ARHGAP26: variants seen among roughly 807,000 people sequenced by gnomAD.
The protein encoded by ARHGAP26 is Rho GTPase activating protein 26, also known as rho GTPase-activating protein 26.
Under a neutral mutation model 104.8 loss-of-function variants are expected in ARHGAP26, and 38 were observed. That is an observed-to-expected ratio of 0.36 (90% confidence interval 0.28 to 0.48). ARHGAP26 has a LOEUF of 0.48. Among genes scored for constraint, ARHGAP26 ranks in the 20% least tolerant of loss-of-function variants. ARHGAP26 has a pLI of 0.99. For synonymous variants in ARHGAP26, 341 were observed against 340.0 expected, an observed-to-expected ratio of 1.00 and a Z score of -0.03; for missense variants, 704 against 947.9, an observed-to-expected ratio of 0.74 and a Z score of 3.38.
At chr5:143,067,709 G>GCT (rs1167328866) in intron 17 of ARHGAP26, among the ~76,000 whole-genome samples, 1 of 152,206 alleles carries the variant, frequency 6.6e-6, no homozygotes, top group Non-Finnish European at 1.5e-5. Flanking sequence ...AGCAGGTCTT[G>GCT]CTATGTACTT....
chr5:142,770,725 GC>G lies in ARHGAP26; in HGVS notation c.-36del. Reference sequence around the variant, plus strand: ...TGGGCGGCGGGCGGCCCGGGCCCCGGCGGAGGCGCGCCCCCCGGCTGGGCGC... The same window carrying G: ...TGGGCGGCGGGCGGCCCGGGCCCCGGGGAGGCGCGCCCCCCGGCTGGGCGC... On this transcript the variant is annotated 5_prime_UTR_variant, in exon 1 of 23. Transcript: ENST00000645722. The G allele has an allele frequency of 8.4e-7, 1 of 1,193,110 alleles. No homozygotes were observed. The allele number at this position is 1,193,110 out of a possible 1,614,324, so 73.9% of individuals were successfully genotyped here. A position where few individuals can be genotyped will look rare whatever the true frequency, so the allele number is the denominator to read the frequency against.
At chr5:143,142,347 C>T (rs867134116) in intron 19 of ARHGAP26, among the ~76,000 whole-genome samples, 1 of 151,846 alleles carries the variant, frequency 6.6e-6, no homozygotes, top group Non-Finnish European at 1.5e-5. Context: ...CCATACTGGC[C>T]AGGCTGCTAG....
intron 1 of ARHGAP26, among the ~76,000 whole-genome samples, chr5:142,817,657 C>T (rs541230955): frequency 4.6e-5 from 7 of 152,228 alleles, no homozygotes; most frequent in Non-Finnish European, 1.0e-4. Flanking sequence ...TAGTAAGTGC[C>T]CACCTCTCAT....
At chr5:142,853,402 G>A (rs1487563810) in intron 1 of ARHGAP26, among the ~76,000 whole-genome samples, 1 of 152,040 alleles carries the variant, frequency 6.6e-6, no homozygotes, top group Non-Finnish European at 1.5e-5. Flanking sequence ...TGTTGGCCGG[G>A]CTGGTCTCAA....
At chr5:142,944,900 C>T (rs940146345) in intron 11 of ARHGAP26, among the ~76,000 whole-genome samples, 2 of 152,126 alleles carry the variant, frequency 1.3e-5, no homozygotes, top group African/African-American at 4.8e-5. Flanking sequence ...TTTATCCTGG[C>T]TGGTGTATCC....
intron 1 of ARHGAP26, among the ~76,000 whole-genome samples, chr5:142,844,788 G>A (rs1452449535): frequency 6.6e-6 from 1 of 150,966 alleles, no homozygotes; most frequent in African/African-American, 2.4e-5. Flanking sequence ...CTGGGAGGTG[G>A]AGGTTGCAGT....
chr5:143,109,621 G>A (rs936399948), intron 17 of ARHGAP26, among the ~76,000 whole-genome samples: 32 of 152,108 alleles, frequency 2.1e-4, no homozygotes, highest in African/African-American at 7.2e-4. Context: ...TGTATTTTTA[G>A]TAGAGATGGG....
chr5:143,142,156 T>TTTTTTG (rs869134761), intron 19 of ARHGAP26, among the ~76,000 whole-genome samples: 1 of 140,604 alleles, frequency 7.1e-6, no homozygotes, highest in Non-Finnish European at 1.6e-5. Flanking sequence ...TTTTTTTTTT[T>TTTTTTG]GAGACAGTCT....
chr5:143,163,862 C>G (rs1456950424), intron 20 of ARHGAP26, among the ~76,000 whole-genome samples: 4 of 152,086 alleles, frequency 2.6e-5, no homozygotes, highest in African/African-American at 9.7e-5. Flanking sequence ...CCACTGAGAC[C>G]TCTATGGCTC....
At chr5:143,075,211 A>T (rs911945308) in intron 17 of ARHGAP26, among the ~76,000 whole-genome samples, 1 of 152,150 alleles carries the variant, frequency 6.6e-6, no homozygotes, top group African/African-American at 2.4e-5. Flanking sequence ...TTTCAATTGC[A>T]CATTAAAAAT....
At chr5:143,028,204 G>A (rs1781354300) in intron 12 of ARHGAP26, among the ~76,000 whole-genome samples, 1 of 152,138 alleles carries the variant, frequency 6.6e-6, no homozygotes, top group Non-Finnish European at 1.5e-5. Flanking sequence ...AGAAAATGAT[G>A]CACCTAACTG....
chr5:142,806,928 G>A (rs958992404), intron 1 of ARHGAP26, among the ~76,000 whole-genome samples: 1 of 152,204 alleles, frequency 6.6e-6, no homozygotes, highest in Non-Finnish European at 1.5e-5. Context: ...TGCACCAACT[G>A]TATGTGGTGA....
chr5:142,796,639 A>C (rs1370059060), intron 1 of ARHGAP26, among the ~76,000 whole-genome samples: 2 of 152,240 alleles, frequency 1.3e-5, no homozygotes, highest in South Asian at 4.1e-4. Flanking sequence ...CTTTTAGGAT[A>C]AAGTTCAGAC....
chr5:143,108,891 C>T (rs930641001), intron 17 of ARHGAP26, among the ~76,000 whole-genome samples: 3 of 152,172 alleles, frequency 2.0e-5, no homozygotes, highest in Non-Finnish European at 2.9e-5. Context: ...AAGCTCTCAG[C>T]GCAAGCTCTC....
At chr5:142,917,037 AT>A (rs35921990) in intron 10 of ARHGAP26, among the ~76,000 whole-genome samples, 53,468 of 135,350 alleles carry the variant, frequency 0.4, 11,819 homozygotes, top group East Asian at 0.63. Context: ...AGACTTTGGA[AT>A]TTTTTTTTTT....
chr5:142,880,474 C>T (rs1412195406), intron 4 of ARHGAP26, among the ~76,000 whole-genome samples: 2 of 151,432 alleles, frequency 1.3e-5, no homozygotes, highest in East Asian at 1.9e-4. Flanking sequence ...GCCGAGATCG[C>T]GCCACTGACT....
rs142845091 is a variant in ARHGAP26 at position 143,099,223 on chromosome 5, G to A, written c.1539-21765G>A. Among the ~76,000 whole-genome samples, 7 of 152,246 alleles carry A rather than the reference G, an allele frequency of 4.6e-5. No individual in the cohort carries two copies. In the East Asian group the frequency reaches 9.6e-4, roughly 21 times the overall value. On this transcript the variant is annotated intron_variant, in intron 17 of 22. Coordinates refer to ENST00000645722, the MANE Select transcript of ARHGAP26 (RefSeq NM_001135608.3). ...TGAGTCTTCATTCATAGTAAATAGC[G>A]TAAGTTAAGCAAAACTTACATATCC...
At chr5:143,070,489 G>A (rs965264073) in intron 17 of ARHGAP26, among the ~76,000 whole-genome samples, 1 of 152,174 alleles carries the variant, frequency 6.6e-6, no homozygotes, top group Admixed American at 6.5e-5. Flanking sequence ...AAACACTGAT[G>A]ACAGAAATTG....
chr5:143,043,901 G>A (rs1783838467), intron 14 of ARHGAP26, among the ~76,000 whole-genome samples: 1 of 152,192 alleles, frequency 6.6e-6, no homozygotes. Flanking sequence ...TCCAATTCAT[G>A]AAGTATTCTG....
Sources: allele counts gnomAD v4.1 joint callset (sites outside exome capture counted in the v4.1 genomes callset), GRCh38; gene constraint gnomAD v4.1.1; transcripts MANE v1.5; gene names NCBI Gene and HGNC (gene_info 2026-07-23, HGNC 2026-07-21).